The following CWF19L1 variants were observed in gnomAD, a reference collection of about 807,000 sequenced individuals.
CWF19L1 encodes the protein CWF19 like cell cycle control factor 1.
A neutral mutation model predicts 69.7 loss-of-function variants in CWF19L1; 60 were observed. The observed-to-expected ratio is 0.86, with a 90% CI of 0.70 to 1.07. The LOEUF is 1.07. Among genes scored for constraint, CWF19L1 ranks in the 50% least tolerant of loss-of-function variants. The pLI is 0.00. For synonymous variants in CWF19L1, 209 were observed against 222.2 expected (o/e 0.94, Z 0.53); for missense variants, 591 against 638.9 (o/e 0.92, Z 0.81).
At chr10:100,244,015 C>T (rs1846722636) in intron 9 of CWF19L1, among the ~76,000 whole-genome samples, 1 of 152,210 alleles carries the variant, frequency 6.6e-6, no homozygotes, top group Non-Finnish European at 1.5e-5. Flanking sequence ...TGCAAAATCA[C>T]ACACTGACTA....
At position 100,236,628 on chromosome 10, in the gene CWF19L1, G is replaced by A. The variant is rs184336819; in HGVS notation, c.1374+222C>T. Among the ~76,000 whole-genome samples, 132 of 152,254 alleles carry A rather than the reference G, an allele frequency of 8.7e-4. 1 individual carries two copies. The highest frequency in any genetic ancestry group is 8.2e-4 in the Non-Finnish European group (56 of 68,018). Reference sequence around the variant, plus strand: ...CGACTAAAAATACAAAAAGTAGCCAGGTATGGTGGCGCATGCCTGTAGTCC... The same window carrying A: ...CGACTAAAAATACAAAAAGTAGCCAAGTATGGTGGCGCATGCCTGTAGTCC... On this transcript the variant is annotated intron_variant, in intron 12 of 13. Coordinates refer to ENST00000354105, the MANE Select transcript of CWF19L1 (RefSeq NM_018294.6).
At position 100,241,000 on chromosome 10, in the gene CWF19L1, C is replaced by CTTTTTTTTTTTTTTT. The variant is rs56262807; in HGVS notation, c.1044+2683_1044+2697dup. On this transcript the variant is annotated intron_variant, in intron 10 of 13. Coordinates refer to ENST00000354105, the MANE Select transcript of CWF19L1 (RefSeq NM_018294.6). ...GACAGGAGTGTGCCACTAATTAAGC[C>CTTTTTTTTTTTTTTT]TTTTTTTTTTTTTTTTTTTTTTTTT... Among the ~76,000 whole-genome samples the CTTTTTTTTTTTTTTT allele has an allele frequency of 4.1e-4, 29 of 70,630 alleles. 4 individuals carry two copies. Among genetic ancestry groups the CTTTTTTTTTTTTTTT allele is most frequent in the African/African-American group, 1.7e-3 (27 of 15,576 alleles). The allele number at this position is 70,630 out of a possible 152,430, so 46.3% of individuals were successfully genotyped here.
Position 100,232,972 on chromosome 10 carries a change from T to A in CWF19L1, c.*255A>T. On this transcript the variant is annotated 3_prime_UTR_variant, in exon 14 of 14. Coordinates refer to ENST00000354105, the MANE Select transcript of CWF19L1 (RefSeq NM_018294.6). ...CAGCCTGGGCAACACAGGGAGACCC[T>A]CCTGTCTCTATAAAAAATCAAAAAA... The A allele has an allele frequency of 3.9e-6, 1 of 256,544 alleles. No homozygotes were observed. The highest frequency in any genetic ancestry group is 5.3e-5 in the Admixed American group (1 of 18,714). 15.9% of individuals were successfully genotyped at this position (256,544 alleles called of 1,614,324 possible). A position where few individuals can be genotyped will look rare whatever the true frequency, so the allele number is the denominator to read the frequency against.
In CWF19L1 at chr10:100,256,255, T is replaced by C. The variant is rs1847208009; in HGVS notation, c.504+7A>G. On this transcript the variant is annotated splice_region_variant and intron_variant, in intron 5 of 13. Transcript: ENST00000354105. ...TTAGAAATTCCAACTAAACAAACAC[T>C]ACTCACAGAAGAATTCCCAAAGTTC... 1 of 1,609,898 alleles carries C rather than the reference T, an allele frequency of 6.2e-7. No individual in the cohort carries two copies. The highest frequency in any genetic ancestry group is 1.3e-5 in the African/African-American group (1 of 74,692).
intron 11 of CWF19L1, chr10:100,237,412 C>G (rs1029949825): frequency 5.2e-6 from 2 of 386,688 alleles, no homozygotes; most frequent in African/African-American, 4.2e-5. Context: ...AAAATACTCA[C>G]TTTCTTCCAA....
At chr10:100,264,804 T>G (rs1847517750) in intron 1 of CWF19L1, among the ~76,000 whole-genome samples, 1 of 151,844 alleles carries the variant, frequency 6.6e-6, no homozygotes, top group African/African-American at 2.4e-5. Flanking sequence ...CCTAGACTCG[T>G]GTGTGTGTCT....
chr10:100,262,159 A>G, intron 1 of CWF19L1, 96 bp from the exon 2 acceptor site: 3 of 1,474,328 alleles, frequency 2.0e-6, no homozygotes, highest in Non-Finnish European at 2.7e-6. Flanking sequence ...TAGATACATG[A>G]TCTAGTCTCT....
At chr10:100,247,626 G>A (rs182862786) in intron 7 of CWF19L1, among the ~76,000 whole-genome samples, 3 of 152,304 alleles carry the variant, frequency 2.0e-5, no homozygotes, top group East Asian at 1.9e-4. Context: ...TGGGGGTGGC[G>A]GCTCATGCCT....
chr10:100,256,278 T>G lies in CWF19L1; in HGVS notation c.488A>C (p.Asn163Thr). Reference sequence around the variant, plus strand: ...ACTACTCACAGAAGAATTCCCAAAGTTCCCCACACACTTGGGCCATGGGGA... The same window carrying G: ...ACTACTCACAGAAGAATTCCCAAAGGTCCCCACACACTTGGGCCATGGGGA... Reference protein sequence around the residue: ...LTSPWPKCVGNFGNSSGEVDT... With the variant: ...LTSPWPKCVGTFGNSSGEVDT... Residue 163 changes from asparagine to threonine, a missense_variant, in exon 5 of 14, where the codon AAC becomes ACC. Coordinates refer to ENST00000354105, the MANE Select transcript of CWF19L1 (RefSeq NM_018294.6). 1 of 1,613,740 alleles carries G rather than the reference T, an allele frequency of 6.2e-7. No individual in the cohort carries two copies. Among genetic ancestry groups the G allele is most frequent in the Non-Finnish European group, 8.5e-7 (1 of 1,179,662 alleles).
At chr10:100,256,897 CAT>C (rs888202265) in intron 4 of CWF19L1, among the ~76,000 whole-genome samples, 1 of 152,196 alleles carries the variant, frequency 6.6e-6, no homozygotes, top group Non-Finnish European at 1.5e-5. Context: ...AAAAGATGCA[CAT>C]AGTGAAACCC....
In CWF19L1 at chr10:100,263,950, C is replaced by T. The variant is rs144713613; in HGVS notation, c.24-1887G>A. 2.7e-4 allele frequency among the ~76,000 whole-genome samples: 41 copies of T among 152,270 alleles called. No individual in the cohort carries two copies. In the East Asian group the frequency reaches 7.5e-3, roughly 28 times the overall value. ...AAAGCGTTCTTAAGCATTTCAATAACCTTTTTAGGTTAAAGACAAGAATAC... is the reference window on the plus strand; with the variant it reads ...AAAGCGTTCTTAAGCATTTCAATAATCTTTTTAGGTTAAAGACAAGAATAC... On this transcript the variant is annotated intron_variant, in intron 1 of 13. Transcript: ENST00000354105.
chr10:100,243,901 T>C (rs1846717733), intron 9 of CWF19L1, 124 bp from the exon 10 acceptor site: 3 of 748,156 alleles, frequency 4.0e-6, no homozygotes, highest in Non-Finnish European at 4.7e-6. Context: ...ACTGCCACAA[T>C]GGGCTGAGCC....
chr10:100,260,932 G>C (rs762372881), intron 3 of CWF19L1, 34 bp downstream of exon 3: 2 of 1,350,776 alleles, frequency 1.5e-6, no homozygotes, highest in East Asian at 2.5e-5. Context: ...AATTTTATTA[G>C]AAATCATATG....
At position 100,246,939 on chromosome 10, in the gene CWF19L1, T is replaced by G; in HGVS notation, c.709-4A>C. On this transcript the variant is annotated splice_region_variant and splice_polypyrimidine_tract_variant and intron_variant, in intron 7 of 13. Transcript: ENST00000354105. ...CAATACTGAACGCGTAAAGATACTT[T>G]AGAGAAAAAGAACATAATGACATTA... 1.3e-6 allele frequency: 2 copies of G among 1,596,684 alleles called. No homozygotes were observed. Among genetic ancestry groups the G allele is most frequent in the Non-Finnish European group, 8.6e-7 (1 of 1,168,376 alleles).
At chr10:100,238,261 T>G in intron 10 of CWF19L1, 30 bp from the exon 11 acceptor site, 1 of 1,598,602 alleles carries the variant, frequency 6.3e-7, no homozygotes, top group Non-Finnish European at 8.6e-7. Context: ...AATTGAGACA[T>G]CAATACAGCA....
chr10:100,250,136 T>G, intron 7 of CWF19L1, 112 bp downstream of exon 7: 1 of 778,578 alleles, frequency 1.3e-6, no homozygotes, highest in Non-Finnish European at 2.3e-6. Flanking sequence ...CCGAAACTGC[T>G]GAGACCTTGC....
intron 5 of CWF19L1, 31 bp from the exon 6 acceptor site, chr10:100,253,570 G>T: frequency 8.2e-7 from 1 of 1,223,182 alleles, no homozygotes; most frequent in Non-Finnish European, 1.2e-6. Flanking sequence ...CATCCATACA[G>T]ACCAAAAGTT....
At chr10:100,236,615 C>A (rs1377579491) in intron 12 of CWF19L1, among the ~76,000 whole-genome samples, 2 of 152,014 alleles carry the variant, frequency 1.3e-5, no homozygotes, top group Admixed American at 1.3e-4. Context: ...ACTAAAAATA[C>A]AAAAAGTAGC....
intron 4 of CWF19L1, among the ~76,000 whole-genome samples, chr10:100,259,795 T>C (rs913812773): frequency 3.3e-5 from 5 of 152,194 alleles, no homozygotes; most frequent in Non-Finnish European, 5.9e-5. Flanking sequence ...TATCTCAGGC[T>C]GCAATCACTG....
Sources: allele counts gnomAD v4.1 joint callset (sites outside exome capture counted in the v4.1 genomes callset), GRCh38; gene constraint gnomAD v4.1.1; transcripts MANE v1.5; gene names NCBI Gene and HGNC (gene_info 2026-07-23, HGNC 2026-07-21).